TESPA1: variants seen among roughly 807,000 people sequenced by gnomAD.
TESPA1 encodes protein TESPA1.
In TESPA1, 33 loss-of-function variants were observed where a neutral mutation model predicts 57.9. The observed-to-expected ratio is 0.57, with a 90% CI of 0.43 to 0.76. TESPA1 has a LOEUF of 0.76. Among genes scored for constraint, TESPA1 ranks in the 30% least tolerant of loss-of-function variants. The probability of loss-of-function intolerance (pLI) is 0.00; values close to 1 mark genes in which losing one functional copy is unlikely to be tolerated. For missense variants in TESPA1, 618 were observed against 632.9 expected, an observed-to-expected ratio of 0.98 and a Z score of 0.25; for synonymous variants, 227 against 228.9, an observed-to-expected ratio of 0.99 and a Z score of 0.07.
chr12:54,963,626 C>T, intron 8 of TESPA1, 116 bp downstream of exon 8: 1 of 1,151,240 alleles, frequency 8.7e-7, no homozygotes, highest in South Asian at 1.5e-5. Flanking sequence ...GAAATAGACA[C>T]AATAGGCAAA....
intron 10 of TESPA1, among the ~76,000 whole-genome samples, chr12:54,959,634 G>A (rs1169705486): frequency 6.6e-6 from 1 of 152,172 alleles, no homozygotes; most frequent in Non-Finnish European, 1.5e-5. Context: ...TTTATGCTTT[G>A]GGGTTTTTGC....
chr12:54,966,006 C>G, intron 7 of TESPA1, 47 bp downstream of exon 7: 7 of 1,533,256 alleles, frequency 4.6e-6, no homozygotes, highest in Non-Finnish European at 6.2e-6. Context: ...TTCTCCTATG[C>G]TTCTCATCTT....
In TESPA1 at chr12:54,962,814, A is replaced by G. The variant is rs1229942857; in HGVS notation, c.1084T>C (p.Phe362Leu). 6.2e-6 allele frequency: 10 copies of G among 1,613,824 alleles called. No individual in the cohort carries two copies. Among genetic ancestry groups the G allele is most frequent in the Non-Finnish European group, 7.6e-6 (9 of 1,179,874 alleles). ...KLPTSPYPCV[F>L]CCEEETQQRM... ...TGCTGTGTTTCCTCTTCACAGCAGA[A>G]GACACATGGATAGGGAGAAGTGGGC... The change falls in exon 9 of 11, where the codon TTC (phenylalanine) becomes CTC (leucine). Residue 362 changes from phenylalanine (F) to leucine (L), a missense_variant. Phe to Leu is a conservative substitution (Grantham distance 22). Transcript: ENST00000449076.
At position 54,974,387 on chromosome 12, in the gene TESPA1, G is replaced by A. The variant is rs1385696051; in HGVS notation, c.163+13C>T. The stretch of plus-strand genomic sequence containing the variant: ...CAGACAACATAGACGCCTGTCTGAT[G>A]TTCGTCTCTTACCTTCTTGGAAAAC... On this transcript the variant is annotated intron_variant, in intron 2 of 10. Transcript: ENST00000449076. The A allele has an allele frequency of 6.3e-7, 1 of 1,587,892 alleles. No individual in the cohort carries two copies. Among genetic ancestry groups the A allele is most frequent in the Non-Finnish European group, 8.6e-7 (1 of 1,166,784 alleles).
intron 3 of TESPA1, among the ~76,000 whole-genome samples, chr12:54,970,329 T>C (rs1951753186): frequency 6.6e-6 from 1 of 152,242 alleles, no homozygotes; most frequent in African/African-American, 2.4e-5. Flanking sequence ...CTGATATGTA[T>C]GCTGAACTTC....
chr12:54,950,075 T>A lies in TESPA1; in HGVS notation c.*317A>T, dbSNP rs1024029413. 1 of 263,398 alleles carries A rather than the reference T, an allele frequency of 3.8e-6. No individual in the cohort carries two copies. Among genetic ancestry groups the A allele is most frequent in the African/African-American group, 2.3e-5 (1 of 44,424 alleles). 16.3% of individuals were successfully genotyped at this position (263,398 alleles called of 1,614,324 possible). A position where few individuals can be genotyped will look rare whatever the true frequency, so the allele number is the denominator to read the frequency against. On this transcript the variant is annotated 3_prime_UTR_variant, in exon 11 of 11. Transcript: ENST00000449076. ...GGGAGAAAATTAAGGCTTTGTTCAG[T>A]TTACTATCATCCACATTATATATTT...
At chr12:54,968,090 C>A in intron 3 of TESPA1, 198 bp from the exon 4 acceptor site, 1 of 1,320,294 alleles carries the variant, frequency 7.6e-7, no homozygotes, top group Non-Finnish European at 1.0e-6. Context: ...GAAACTGGGG[C>A]TGGAATGCAC....
chr12:54,981,063 G>C (rs1373089780), intron 1 of TESPA1, among the ~76,000 whole-genome samples: 1 of 152,130 alleles, frequency 6.6e-6, no homozygotes, highest in Non-Finnish European at 1.5e-5. Context: ...GGGATTATAG[G>C]TGTGAGCCAC....
In TESPA1 at chr12:54,950,039, T is replaced by C; in HGVS notation, c.*353A>G. 3 of 216,794 alleles carry C rather than the reference T, an allele frequency of 1.4e-5. No homozygotes were observed. In the South Asian group the frequency reaches 2.0e-4, roughly 15 times the overall value. 13.4% of individuals were successfully genotyped at this position (216,794 alleles called of 1,614,324 possible). On this transcript the variant is annotated 3_prime_UTR_variant, in exon 11 of 11. Coordinates refer to ENST00000449076, the MANE Select transcript of TESPA1 (RefSeq NM_001136030.3). ...GAAGTCTCCTAACTGCCCTTGGCAATGTCAAAGCTTGGGAGAAAATTAAGG... is the reference window on the plus strand; with the variant it reads ...GAAGTCTCCTAACTGCCCTTGGCAACGTCAAAGCTTGGGAGAAAATTAAGG...
At chr12:54,955,764 T>C (rs1209413514) in intron 10 of TESPA1, among the ~76,000 whole-genome samples, 1 of 152,232 alleles carries the variant, frequency 6.6e-6, no homozygotes, top group Non-Finnish European at 1.5e-5. Context: ...GTGGAGTGAT[T>C]TCCTGGGGTG....
At chr12:54,963,275 G>C (rs553273903) in intron 8 of TESPA1, 33 bp from the exon 9 acceptor site, 43 of 1,565,534 alleles carry the variant, frequency 2.7e-5, no homozygotes, top group Non-Finnish European at 3.6e-5. Flanking sequence ...GTAAGTCTGG[G>C]GTTCATCAGC....
chr12:54,970,808 G>A (rs1463639699), intron 3 of TESPA1, among the ~76,000 whole-genome samples: 1 of 152,194 alleles, frequency 6.6e-6, no homozygotes, highest in Non-Finnish European at 1.5e-5. Context: ...TAGGGAGGAG[G>A]GGTTGGATTG....
chr12:54,974,316 C>T (rs1952024167), intron 2 of TESPA1, 84 bp downstream of exon 2: 3 of 1,274,572 alleles, frequency 2.4e-6, no homozygotes, highest in African/African-American at 1.5e-5. Context: ...AAACAAGGAA[C>T]CTGTTCACAC....
At chr12:54,981,410 G>A (rs920951120) in intron 1 of TESPA1, among the ~76,000 whole-genome samples, 1 of 137,088 alleles carries the variant, frequency 7.3e-6, no homozygotes, top group African/African-American at 2.7e-5. Context: ...TTTCTTTCCT[G>A]GGGCCTGTCC....
rs1320228259 is a variant in TESPA1, at chr12:54,970,875, C to A, written c.206+2602G>T. Among the ~76,000 whole-genome samples the A allele has an allele frequency of 2.0e-5, 3 of 152,158 alleles. No individual in the cohort carries two copies. The South Asian group carries it at 6.2e-4, about 32-fold the overall frequency. ...TTCTAGATGTTTCCATAGCTACCTGCCTGCAGAGATTTAAGCTGAAGCCCA... is the reference window on the plus strand; with the variant it reads ...TTCTAGATGTTTCCATAGCTACCTGACTGCAGAGATTTAAGCTGAAGCCCA... On this transcript the variant is annotated intron_variant, in intron 3 of 10. Coordinates refer to ENST00000449076, the MANE Select transcript of TESPA1 (RefSeq NM_001136030.3).
At chr12:54,980,532 G>A (rs1478005605) in intron 1 of TESPA1, among the ~76,000 whole-genome samples, 1 of 152,232 alleles carries the variant, frequency 6.6e-6, no homozygotes, top group Non-Finnish European at 1.5e-5. Flanking sequence ...CTGTGGTGGG[G>A]CCCCGCCCGG....
intron 7 of TESPA1, 34 bp downstream of exon 7, chr12:54,966,019 C>G (rs1191058400): frequency 1.3e-6 from 2 of 1,547,892 alleles, no homozygotes; most frequent in African/African-American, 1.4e-5. Flanking sequence ...CTCATCTTCT[C>G]CACCCTTCCA....
chr12:54,973,366 C>A, intron 3 of TESPA1, 111 bp downstream of exon 3: 1 of 1,506,162 alleles, frequency 6.6e-7, no homozygotes, highest in Non-Finnish European at 9.2e-7. Flanking sequence ...TACTTCTAAT[C>A]TTTAGGCCCA....
Position 54,963,140 on chromosome 12 carries a change from T to C in TESPA1, c.758A>G (p.His253Arg), listed in dbSNP as rs1951196333. Reference sequence around the variant, plus strand: ...TGGATGGTTGCAATTCCAGAACATGTGGGATGGTGTGAACTTTTGGACAGG... The same window carrying C: ...TGGATGGTTGCAATTCCAGAACATGCGGGATGGTGTGAACTTTTGGACAGG... ...KTPVQKFTPS[H>R]MFWNCNHPTD... is the part of the protein sequence containing the mutation. The change falls in exon 9 of 11, where the codon CAC becomes CGC. Residue 253 changes from histidine to arginine, a missense_variant. Physicochemically the swap from His to Arg is conservative, Grantham distance 29 (BLOSUM62 0). This residue lies in a region of TESPA1 where 409 missense variants were observed against 420.1 expected (regional missense o/e 0.97). Coordinates refer to ENST00000449076, the MANE Select transcript of TESPA1 (RefSeq NM_001136030.3). 8 of 1,613,696 alleles carry C rather than the reference T, an allele frequency of 5.0e-6. No homozygotes were observed. The East Asian group carries it at 1.6e-4, about 31-fold the overall frequency.
Sources: gnomAD v4.1 joint callset for allele counts (sites outside exome capture counted in the v4.1 genomes callset) on GRCh38, gnomAD v4.1.1 for gene constraint, gnomAD v4.1.1 regional missense constraint, MANE v1.5 for transcripts, NCBI Gene and HGNC (gene_info 2026-07-23, HGNC 2026-07-21) for gene names.